Variants in RIGI observed in about 807,000 individuals in gnomAD.
The protein encoded by RIGI is RNA sensor RIG-I.
At chr9:32,521,355 G>A in the RIGI span, among the ~76,000 whole-genome samples, 1 of 152,192 alleles carries the variant, frequency 6.6e-6, no homozygotes, top group African/African-American at 2.4e-5. Flanking sequence ...GGAAGAAAAG[G>A]AAGAGGGAGA....
chr9:32,457,151 G>T, the RIGI span: 1 of 1,613,600 alleles, frequency 6.2e-7, no homozygotes, highest in Non-Finnish European at 8.5e-7. Context: ...GGATCAAATG[G>T]TATCTTCTCA....
chr9:32,504,688 C>CAT, the RIGI span, among the ~76,000 whole-genome samples: 50,561 of 125,868 alleles, frequency 0.4, 12,144 homozygotes, highest in South Asian at 0.52. Flanking sequence ...GTCTCAAAAA[C>CAT]ATATATATAT....
the RIGI span, among the ~76,000 whole-genome samples, chr9:32,522,627 G>A: frequency 3.3e-5 from 5 of 152,170 alleles, no homozygotes; most frequent in African/African-American, 1.2e-4. Context: ...ATATGTCTTT[G>A]GTGGAAGCGG....
the RIGI span, among the ~76,000 whole-genome samples, chr9:32,512,610 A>C: frequency 6.6e-6 from 1 of 152,204 alleles, no homozygotes; most frequent in Non-Finnish European, 1.5e-5. Context: ...CACAGCCAAT[A>C]TCATACTGAA....
the RIGI span, among the ~76,000 whole-genome samples, chr9:32,472,406 T>G: frequency 6.6e-6 from 1 of 152,256 alleles, no homozygotes; most frequent in South Asian, 2.1e-4. Context: ...TGATGGCTTT[T>G]TGATGCATTA....
At chr9:32,460,479 CTGAA>C in the RIGI span, among the ~76,000 whole-genome samples, 2 of 151,164 alleles carry the variant, frequency 1.3e-5, no homozygotes, top group African/African-American at 4.9e-5. Flanking sequence ...AGATCTCAAA[CTGAA>C]TGAAAAAAAA....
chr9:32,488,410 T>C, the RIGI span, among the ~76,000 whole-genome samples: 18 of 152,306 alleles, frequency 1.2e-4, no homozygotes, highest in East Asian at 2.1e-3. Flanking sequence ...CTATATATTA[T>C]TTTAAGTCAC....
the RIGI span, among the ~76,000 whole-genome samples, chr9:32,499,019 T>C: frequency 6.7e-6 from 1 of 150,102 alleles, no homozygotes; most frequent in Non-Finnish European, 1.5e-5. Context: ...TTCCATTAAA[T>C]ATCTTCTTTA....
chr9:32,458,656 A>G, the RIGI span, among the ~76,000 whole-genome samples: 1 of 152,190 alleles, frequency 6.6e-6, no homozygotes, highest in African/African-American at 2.4e-5. Context: ...CTTTGGAACA[A>G]TTTTAGATTT....
At chr9:32,459,162 A>G in the RIGI span, among the ~76,000 whole-genome samples, 1 of 152,170 alleles carries the variant, frequency 6.6e-6, no homozygotes, top group African/African-American at 2.4e-5. Context: ...TTTTGATTAC[A>G]GGCATGAGCC....
chr9:32,481,578 T>C, the RIGI span: 5 of 1,020,296 alleles, frequency 4.9e-6, no homozygotes, highest in Non-Finnish European at 6.9e-6. Flanking sequence ...CACCCTCTAA[T>C]TTTCTTTTTC....
the RIGI span, chr9:32,467,781 G>A: frequency 1.3e-6 from 2 of 1,588,840 alleles, no homozygotes; most frequent in Non-Finnish European, 1.7e-6. Flanking sequence ...GGATCATTTT[G>A]ATGACATTGC....
At chr9:32,513,336 A>G in the RIGI span, among the ~76,000 whole-genome samples, 2 of 152,254 alleles carry the variant, frequency 1.3e-5, no homozygotes, top group African/African-American at 4.8e-5. Flanking sequence ...ACAAGGCTAC[A>G]GTAATCAAAA....
At chr9:32,458,984 G>A in the RIGI span, among the ~76,000 whole-genome samples, 3 of 149,366 alleles carry the variant, frequency 2.0e-5, no homozygotes, top group African/African-American at 7.3e-5. Context: ...CTGCCTCCCG[G>A]TTCAAGCGAT....
At chr9:32,519,722 G>T in the RIGI span, among the ~76,000 whole-genome samples, 1 of 152,082 alleles carries the variant, frequency 6.6e-6, no homozygotes, top group African/African-American at 2.4e-5. Context: ...AAATTATATT[G>T]ATTGGGCTTT....
chr9:32,483,564 T>C, the RIGI span, among the ~76,000 whole-genome samples: 1 of 152,124 alleles, frequency 6.6e-6, no homozygotes, highest in South Asian at 2.1e-4. Flanking sequence ...TGCTGGATAA[T>C]ATGACAATCT....
the RIGI span, chr9:32,485,274 T>C: frequency 1.3e-6 from 2 of 1,585,358 alleles, no homozygotes; most frequent in Non-Finnish European, 1.7e-6. Flanking sequence ...TCCACTTTCC[T>C]GAAAACTAGA....
the RIGI span, chr9:32,494,072 T>C: frequency 1.2e-5 from 8 of 684,982 alleles, no homozygotes; most frequent in African/African-American, 7.5e-5. Context: ...TTACCCCCAA[T>C]TGTCATTGAT....
At chr9:32,492,513 G>A in the RIGI span, 2 of 1,614,136 alleles carry the variant, frequency 1.2e-6, no homozygotes, top group Non-Finnish European at 1.7e-6. Flanking sequence ...CTCTGCACCT[G>A]CCATCATCCC....
Sources: allele counts gnomAD v4.1 joint callset (sites outside exome capture counted in the v4.1 genomes callset), GRCh38; gene constraint gnomAD v4.1.1; transcripts MANE v1.5; gene names NCBI Gene and HGNC (gene_info 2026-07-23, HGNC 2026-07-21).